TRAK2: variants seen among roughly 807,000 people sequenced by gnomAD.
TRAK2 encodes trafficking kinesin-binding protein 2.
Under a neutral mutation model 104.6 loss-of-function variants are expected in TRAK2, and 81 were observed. The observed-to-expected ratio is 0.77, with a 90% CI of 0.65 to 0.93. The LOEUF (loss-of-function observed/expected upper bound fraction) is 0.93, where lower values mean the gene tolerates loss of function less well. TRAK2 is among the 40% of genes least tolerant of loss of function. TRAK2 has a pLI of 0.00. For synonymous variants in TRAK2, 406 were observed against 394.4 expected (o/e 1.03, Z -0.35); for missense variants, 1,002 against 1,089.0 (o/e 0.92, Z 1.12).
In TRAK2 at chr2:201,378,402, G is replaced by A. The variant is rs949139270; in HGVS notation, c.*2141C>T. On this transcript the variant is annotated 3_prime_UTR_variant, in exon 16 of 16. Coordinates refer to ENST00000332624, the MANE Select transcript of TRAK2 (RefSeq NM_015049.3). ...CACATAAATCGGACAATTTAACGTT[G>A]TACTACTCTCTGGCCCTACAGTTTC... 4 of 152,094 alleles carry A rather than the reference G, an allele frequency of 2.6e-5. No homozygotes were observed. The highest frequency in any genetic ancestry group is 1.3e-4 in the Admixed American group (2 of 15,260). 9.4% of individuals were successfully genotyped at this position (152,094 alleles called of 1,614,324 possible).
In TRAK2 at chr2:201,451,231, G is replaced by A. The variant is rs1301176387; in HGVS notation, c.-200+119C>T. 2.0e-5 allele frequency: 3 copies of A among 152,510 alleles called. No individual in the cohort carries two copies. In the East Asian group the frequency reaches 5.8e-4, roughly 29 times the overall value. The allele number at this position is 152,510 out of a possible 1,614,324, so 9.4% of individuals were successfully genotyped here. A position where few individuals can be genotyped will look rare whatever the true frequency, so the allele number is the denominator to read the frequency against. Reference sequence around the variant, plus strand: ...CCCAGCCCTCCAGCACCCAGCCTCCGGCTCCGACGTCCGCGCGTGACCTCC... The same window carrying A: ...CCCAGCCCTCCAGCACCCAGCCTCCAGCTCCGACGTCCGCGCGTGACCTCC... On this transcript the variant is annotated intron_variant, in intron 1 of 15. Transcript: ENST00000332624.
intron 1 of TRAK2, among the ~76,000 whole-genome samples, chr2:201,443,386 C>T (rs961157587): frequency 4.6e-5 from 7 of 152,324 alleles, no homozygotes; most frequent in African/African-American, 1.7e-4. Context: ...AGAGATCTTA[C>T]AATGCTCATT....
At chr2:201,430,719 C>T (rs1483770908) in intron 1 of TRAK2, among the ~76,000 whole-genome samples, 2 of 152,176 alleles carry the variant, frequency 1.3e-5, no homozygotes, top group Admixed American at 6.5e-5. Context: ...TTTCCAGGTA[C>T]CGTCTGTCAT....
At chr2:201,410,734 T>C (rs1951638376) in intron 2 of TRAK2, 3 of 1,521,902 alleles carry the variant, frequency 2.0e-6, no homozygotes, top group Admixed American at 1.7e-5. Flanking sequence ...AGGTACAAAC[T>C]GATTAAGCCA....
intron 13 of TRAK2, among the ~76,000 whole-genome samples, chr2:201,386,778 G>C (rs1951395268): frequency 6.6e-6 from 1 of 152,166 alleles, no homozygotes; most frequent in Non-Finnish European, 1.5e-5. Context: ...GGCAGTGATG[G>C]AAGATACGTG....
In TRAK2 at chr2:201,398,337, A is replaced by T; in HGVS notation, c.498T>A (p.His166Gln). 3 of 1,613,258 alleles carry T rather than the reference A, an allele frequency of 1.9e-6. No individual in the cohort carries two copies. The highest frequency in any genetic ancestry group is 2.5e-6 in the Non-Finnish European group (3 of 1,179,348). The change falls in exon 6 of 16, where the codon CAT becomes CAA. Residue 166 changes from histidine to glutamine, a missense_variant. Physicochemically the swap from His to Gln is conservative, Grantham distance 24. Transcript: ENST00000332624. ...QAFDQVNQLQ[H>Q]ELCKKDELLR... Reference sequence around the variant, plus strand: ...GTAACTCATCTTTCTTGCATAGCTCATGCTGCAGCTGATTAACCTGTCCAT... The same window carrying T: ...GTAACTCATCTTTCTTGCATAGCTCTTGCTGCAGCTGATTAACCTGTCCAT...
chr2:201,411,468 G>T (rs1240789399), intron 2 of TRAK2: 2 of 744,046 alleles, frequency 2.7e-6, no homozygotes, highest in African/African-American at 3.4e-5. Context: ...TATGTCCAAA[G>T]ATTTCTGTTG....
At position 201,379,084 on chromosome 2, in the gene TRAK2, T is replaced by C. The variant is rs1422321839; in HGVS notation, c.*1459A>G. ...CCATTTTCATAAACAAAATAATTAG[T>C]CCCCTCTCTCATCTTTTCTCTATCA... is the stretch of plus-strand genomic sequence containing the variant. On this transcript the variant is annotated 3_prime_UTR_variant, in exon 16 of 16. Coordinates refer to ENST00000332624, the MANE Select transcript of TRAK2 (RefSeq NM_015049.3). The C allele has an allele frequency of 6.6e-6, 1 of 152,142 alleles. No homozygotes were observed. The highest frequency in any genetic ancestry group is 1.5e-5 in the Non-Finnish European group (1 of 68,026). The allele number at this position is 152,142 out of a possible 1,614,324, so 9.4% of individuals were successfully genotyped here.
At chr2:201,414,671 A>G (rs374568639) in intron 2 of TRAK2, among the ~76,000 whole-genome samples, 1 of 152,196 alleles carries the variant, frequency 6.6e-6, no homozygotes, top group Non-Finnish European at 1.5e-5. Flanking sequence ...TCTCTTAAAT[A>G]GGAGACCTGA....
intron 1 of TRAK2, among the ~76,000 whole-genome samples, chr2:201,439,472 A>G (rs1951902621): frequency 6.6e-6 from 1 of 152,112 alleles, no homozygotes; most frequent in South Asian, 2.1e-4. Flanking sequence ...TTAACACATG[A>G]TAACGAGGAA....
chr2:201,417,215 A>G (rs1951699760), intron 2 of TRAK2, among the ~76,000 whole-genome samples: 1 of 148,470 alleles, frequency 6.7e-6, no homozygotes, highest in African/African-American at 2.5e-5. Flanking sequence ...GTATTACCTC[A>G]ATATCAAAAT....
chr2:201,411,702 G>A, intron 2 of TRAK2: 2 of 779,916 alleles, frequency 2.6e-6, no homozygotes, highest in Non-Finnish European at 2.4e-6. Context: ...CATGAGGACT[G>A]CAGACTCTTT....
intron 2 of TRAK2, chr2:201,411,213 T>C (rs982748198): frequency 4.2e-6 from 3 of 719,236 alleles, no homozygotes; most frequent in South Asian, 1.6e-5. Context: ...AATAGGTGTG[T>C]ACACTTGGGG....
intron 15 of TRAK2, among the ~76,000 whole-genome samples, chr2:201,382,186 A>T (rs1235620460): frequency 1.3e-5 from 2 of 152,226 alleles, no homozygotes; most frequent in Admixed American, 1.3e-4. Flanking sequence ...TTCTATGCTT[A>T]GTCGAAAAGA....
intron 1 of TRAK2, among the ~76,000 whole-genome samples, chr2:201,440,106 GAAGAAAA>G (rs2125662262): frequency 6.7e-6 from 1 of 149,912 alleles, no homozygotes; most frequent in African/African-American, 2.5e-5. Flanking sequence ...GCCTCTTAAA[GAAGAAAA>G]AAGAAAAAGA....
chr2:201,409,799 A>G (rs1338562949), intron 2 of TRAK2, among the ~76,000 whole-genome samples: 1 of 152,376 alleles, frequency 6.6e-6, no homozygotes, highest in Admixed American at 6.5e-5. Flanking sequence ...TTTACATATT[A>G]AAGTGAACAC....
intron 2 of TRAK2, chr2:201,413,354 A>C: frequency 1.2e-6 from 1 of 859,876 alleles, no homozygotes. Flanking sequence ...CTCTCCTTCC[A>C]GGAGGGGCAG....
Position 201,389,381 on chromosome 2 carries a change from G to T in TRAK2, c.1316C>A (p.Ala439Glu), listed in dbSNP as rs1559438366. ...CTGAAGACCAGACTCAAAAGGTTTT[G>T]CTGTCATGATGACACTTGAACGGTT... ...GSNRSSVIMT[A>E]KPFESGLQQT... The change falls in exon 12 of 16, where the codon GCA (alanine) becomes GAA (glutamate). Residue 439 changes from alanine to glutamate, a missense_variant. Physicochemically the swap from Ala to Glu is moderately radical, Grantham distance 107. Transcript: ENST00000332624. The T allele has an allele frequency of 6.2e-7, 1 of 1,614,154 alleles. No individual in the cohort carries two copies. The highest frequency in any genetic ancestry group is 8.5e-7 in the Non-Finnish European group (1 of 1,180,036).
At position 201,379,060 on chromosome 2, in the gene TRAK2, C is replaced by T. The variant is rs1325578364; in HGVS notation, c.*1483G>A. ...CAAAAAGATCAAGTAATTTACTTGC[C>T]ATTTTCATAAACAAAATAATTAGTC... is the stretch of plus-strand genomic sequence containing the variant. On this transcript the variant is annotated 3_prime_UTR_variant, in exon 16 of 16. Coordinates refer to ENST00000332624, the MANE Select transcript of TRAK2 (RefSeq NM_015049.3). 4 of 152,162 alleles carry T rather than the reference C, an allele frequency of 2.6e-5. No individual in the cohort carries two copies. Among genetic ancestry groups the T allele is most frequent in the Non-Finnish European group, 5.9e-5 (4 of 68,028 alleles). 9.4% of individuals were successfully genotyped at this position (152,162 alleles called of 1,614,324 possible).
Sources: gnomAD v4.1 joint callset for allele counts (sites outside exome capture counted in the v4.1 genomes callset) on GRCh38, gnomAD v4.1.1 for gene constraint, MANE v1.5 for transcripts, NCBI Gene and HGNC (gene_info 2026-07-23, HGNC 2026-07-21) for gene names.